PIK3R5: variants seen among roughly 807,000 people sequenced by gnomAD.
PIK3R5 encodes phosphoinositide 3-kinase regulatory subunit 5.
PIK3R5 carries 32 observed loss-of-function variants against 94.9 expected under a neutral mutation model. That is an observed-to-expected ratio of 0.34 (90% CI 0.25 to 0.45). PIK3R5 has a LOEUF of 0.45. PIK3R5 is among the 20% of genes least tolerant of loss of function. The probability of loss-of-function intolerance (pLI) is 1.00; values close to 1 mark genes in which losing one functional copy is unlikely to be tolerated. For synonymous variants in PIK3R5, 443 were observed against 479.4 expected (o/e 0.92, Z 0.99); for missense variants, 853 against 1,144.6 (o/e 0.75, Z 3.68).
At chr17:8,900,589 T>A (rs1760140850) in intron 5 of PIK3R5, among the ~76,000 whole-genome samples, 1 of 152,168 alleles carries the variant, frequency 6.6e-6, no homozygotes, top group East Asian at 1.9e-4. Flanking sequence ...CCGGGAAGGA[T>A]GTGGAGGAAA....
rs373558554 is a variant in PIK3R5 at position 8,911,505 on chromosome 17, C to T, written c.-11G>A. The T allele has an allele frequency of 1.1e-3, 1,681 of 1,589,404 alleles. 1 individual carries two copies. The highest frequency in any genetic ancestry group is 2.4e-3 in the African/African-American group (177 of 74,858). On this transcript the variant is annotated splice_region_variant and 5_prime_UTR_variant, in exon 2 of 19. Transcript: ENST00000447110. This position sits in a 1 kb window ranked among gnomAD's most constrained non-coding sequence, Gnocchi z 5.3. The stretch of plus-strand genomic sequence containing the variant: ...GGCCCCTGGCTGCATCCTGGGTCAT[C>T]GCCTGCATGGGGGACAGACGCCGGT...
intron 1 of PIK3R5, among the ~76,000 whole-genome samples, chr17:8,920,221 A>G (rs1886859642): frequency 6.6e-6 from 1 of 151,512 alleles, no homozygotes; most frequent in Non-Finnish European, 1.5e-5. Context: ...CACCTGCCCA[A>G]CTCTTGATGT....
Position 8,880,503 on chromosome 17 carries a change from C to T in PIK3R5, c.*136G>A, listed in dbSNP as rs61761138. The T allele has an allele frequency of 6.8e-3, 5,866 of 866,430 alleles. 225 individuals carry two copies. The African/African-American group carries it at 0.085, about 12-fold the overall frequency. The allele number at this position is 866,430 out of a possible 1,614,324, so 53.7% of individuals were successfully genotyped here. On this transcript the variant is annotated 3_prime_UTR_variant, in exon 19 of 19. Coordinates refer to ENST00000447110, the MANE Select transcript of PIK3R5 (RefSeq NM_001142633.3). Reference sequence around the variant, plus strand: ...CCCAGAAACCCTCTACTCCCAGCCCCTGCTCATTGCAGGACCCACAGTGGG... The same window carrying T: ...CCCAGAAACCCTCTACTCCCAGCCCTTGCTCATTGCAGGACCCACAGTGGG...
intron 1 of PIK3R5, among the ~76,000 whole-genome samples, chr17:8,960,049 C>A (rs1409642068): frequency 6.6e-6 from 1 of 152,122 alleles, no homozygotes; most frequent in African/African-American, 2.4e-5. Context: ...TAAGCTGGAC[C>A]TTGGAATACG....
chr17:8,964,356 A>T (rs2091625043), intron 1 of PIK3R5, among the ~76,000 whole-genome samples: 1 of 152,076 alleles, frequency 6.6e-6, no homozygotes, highest in Non-Finnish European at 1.5e-5. Flanking sequence ...ACGCCACTGC[A>T]CTCCAGCCTG....
In PIK3R5 at chr17:8,896,214, A is replaced by G. The variant is rs994641109; in HGVS notation, c.413-2559T>C. ...ACCCTCCATGGGCTTGGTTTTCACA[A>G]TGTTACCTGGTGATGCCAGGGAGGC... On this transcript the variant is annotated intron_variant, in intron 5 of 18. Coordinates refer to ENST00000447110, the MANE Select transcript of PIK3R5 (RefSeq NM_001142633.3). The surrounding 1 kb of genome is among the most constrained non-coding windows in gnomAD (Gnocchi z 4.0). Among the ~76,000 whole-genome samples the G allele has an allele frequency of 6.6e-6, 1 of 152,072 alleles. No homozygotes were observed. Among genetic ancestry groups the G allele is most frequent in the Non-Finnish European group, 1.5e-5 (1 of 68,016 alleles).
At position 8,925,829 on chromosome 17, in the gene PIK3R5, T is replaced by C. The variant is rs2151435204; in HGVS notation, c.-13-14322A>G. 6.6e-6 allele frequency among the ~76,000 whole-genome samples: 1 copy of C among 152,302 alleles called. No homozygotes were observed. Among genetic ancestry groups the C allele is most frequent in the African/African-American group, 2.4e-5 (1 of 41,554 alleles). On this transcript the variant is annotated intron_variant, in intron 1 of 18. Transcript: ENST00000447110. The surrounding 1 kb of genome is among the most constrained non-coding windows in gnomAD (Gnocchi z 5.1). ...TTTAATGCAGATAGATGCATCACAT[T>C]CACTGAGATGGAGAAGTTTGGGGAG...
At chr17:8,898,831 G>T (rs1216569457) in intron 5 of PIK3R5, among the ~76,000 whole-genome samples, 1 of 149,156 alleles carries the variant, frequency 6.7e-6, no homozygotes, top group Non-Finnish European at 1.5e-5. Flanking sequence ...AAGGGTTCGT[G>T]TTCCCTCTTT....
At chr17:8,957,804 G>A (rs2091488794) in intron 1 of PIK3R5, among the ~76,000 whole-genome samples, 1 of 152,156 alleles carries the variant, frequency 6.6e-6, no homozygotes, top group Admixed American at 6.5e-5. Context: ...GAAGCTTGGG[G>A]AGTGGGAAGC....
At position 8,884,032 on chromosome 17, in the gene PIK3R5, A is replaced by C. The variant is rs940864241; in HGVS notation, c.2205+675T>G. Among the ~76,000 whole-genome samples, 4 of 151,904 alleles carry C rather than the reference A, an allele frequency of 2.6e-5. No individual in the cohort carries two copies. Among genetic ancestry groups the C allele is most frequent in the African/African-American group, 9.7e-5 (4 of 41,344 alleles). On this transcript the variant is annotated intron_variant, in intron 15 of 18. Coordinates refer to ENST00000447110, the MANE Select transcript of PIK3R5 (RefSeq NM_001142633.3). This position sits in a 1 kb window ranked among gnomAD's most constrained non-coding sequence, Gnocchi z 5.8. ...GCCGCTCTCTGGAATTATCTTGGCTATTTCTTTGTTTCCTCGTTTCTTGTC... is the reference window on the plus strand; with the variant it reads ...GCCGCTCTCTGGAATTATCTTGGCTCTTTCTTTGTTTCCTCGTTTCTTGTC...
At chr17:8,908,933 C>A in intron 3 of PIK3R5, 141 bp downstream of exon 3, 1 of 596,832 alleles carries the variant, frequency 1.7e-6, no homozygotes, top group East Asian at 2.8e-5. Flanking sequence ...GCTACCGAAA[C>A]ACAAAACTCA....
At chr17:8,887,818 C>A (rs2089905904) in intron 10 of PIK3R5, 135 bp from the exon 11 acceptor site, 1 of 714,860 alleles carries the variant, frequency 1.4e-6, no homozygotes, top group South Asian at 1.9e-5. Flanking sequence ...CAGAGGGAAA[C>A]CCCATCTCTA....
intron 3 of PIK3R5, among the ~76,000 whole-genome samples, chr17:8,907,065 C>G (rs1312113285): frequency 3.3e-5 from 5 of 152,140 alleles, no homozygotes; most frequent in Admixed American, 3.3e-4. Flanking sequence ...CGCTCTGTCG[C>G]CAGGCTGGAG....
At chr17:8,883,668 T>A (rs536864168) in intron 15 of PIK3R5, among the ~76,000 whole-genome samples, 1 of 152,308 alleles carries the variant, frequency 6.6e-6, no homozygotes, top group East Asian at 1.9e-4. Context: ...CACTACTAAC[T>A]CTCCTGACTG....
chr17:8,934,879 T>C (rs2091045482), intron 1 of PIK3R5, among the ~76,000 whole-genome samples: 1 of 152,158 alleles, frequency 6.6e-6, no homozygotes, highest in African/African-American at 2.4e-5. Flanking sequence ...GAGTCAAAAC[T>C]CAAGCCCATA....
chr17:8,934,219 T>A (rs2091034057), intron 1 of PIK3R5, among the ~76,000 whole-genome samples: 1 of 152,180 alleles, frequency 6.6e-6, no homozygotes, highest in African/African-American at 2.4e-5. Context: ...ATTAGCGAAT[T>A]TATCAAGGTT....
chr17:8,953,114 C>T (rs569248233), intron 1 of PIK3R5, among the ~76,000 whole-genome samples: 107 of 152,244 alleles, frequency 7.0e-4, no homozygotes, highest in African/African-American at 2.5e-3. Context: ...TGGACGCCTC[C>T]TTCTTTATTC....
Position 8,884,695 on chromosome 17 carries a change from C to T in PIK3R5, c.2205+12G>A, listed in dbSNP as rs765149765. On this transcript the variant is annotated intron_variant, in intron 15 of 18. Transcript: ENST00000447110. The surrounding 1 kb of genome is among the most constrained non-coding windows in gnomAD (Gnocchi z 5.8). ...GATCCTGGAGGGGAAGGAGCCCCAG[C>T]ACGGGTCTTACCTTGCTGTAAATAA... is the stretch of plus-strand genomic sequence containing the variant. 8.1e-6 allele frequency: 13 copies of T among 1,606,528 alleles called. No individual in the cohort carries two copies. Among genetic ancestry groups the T allele is most frequent in the Non-Finnish European group, 1.0e-5 (12 of 1,173,574 alleles).
chr17:8,903,527 C>T (rs1339252865), intron 5 of PIK3R5, among the ~76,000 whole-genome samples: 1 of 149,732 alleles, frequency 6.7e-6, no homozygotes, highest in Non-Finnish European at 1.5e-5. Flanking sequence ...TTTTAGTTTA[C>T]ATATATTTTA....
Sources: gnomAD v4.1 joint callset for allele counts (sites outside exome capture counted in the v4.1 genomes callset) on GRCh38, gnomAD v4.1.1 for gene constraint, Gnocchi (gnomAD v3.1) non-coding constraint, MANE v1.5 for transcripts, NCBI Gene and HGNC (gene_info 2026-07-23, HGNC 2026-07-21) for gene names.